Variants in MBP observed in about 807,000 individuals in gnomAD.
MBP encodes the protein Golli-MBP.
Under a neutral mutation model 35.8 loss-of-function variants are expected in MBP, and 16 were observed. The ratio of observed to expected loss-of-function variants is 0.45; its 90% CI spans 0.30 to 0.68. The LOEUF is 0.68. Among genes scored for constraint, MBP ranks in the 30% least tolerant of loss-of-function variants. MBP has a pLI of 0.08. For missense variants in MBP, 380 were observed against 404.7 expected (o/e 0.94, Z 0.52); for synonymous variants, 143 against 159.6 (o/e 0.90, Z 0.78).
intron 3 of MBP, among the ~76,000 whole-genome samples, chr18:77,031,507 GC>G (rs1225579356): frequency 6.6e-6 from 1 of 152,234 alleles, no homozygotes; most frequent in African/African-American, 2.4e-5. Context: ...TAGACCTGAA[GC>G]CGGTCAGGTT....
chr18:77,092,856 C>T, intron 2 of MBP, among the ~76,000 whole-genome samples: 1 of 152,152 alleles, frequency 6.6e-6, no homozygotes, highest in East Asian at 1.9e-4. Context: ...GTGACGATGA[C>T]GAGAGACACG....
At position 77,040,629 on chromosome 18, in the gene MBP, T is replaced by C. The variant is rs1972954515; in HGVS notation, c.140-23361A>G. ...CAGAGCCCTCAGAAATAATGCCGCG[T>C]ATCTACAACTATCTGATCTTTCACA... On this transcript the variant is annotated intron_variant, in intron 3 of 8. Coordinates refer to ENST00000355994, the MANE Select transcript of MBP (RefSeq NM_001025101.2). Among the ~76,000 whole-genome samples, 4 of 152,186 alleles carry C rather than the reference T, an allele frequency of 2.6e-5. No homozygotes were observed. The South Asian group carries it at 8.3e-4, about 32-fold the overall frequency.
chr18:76,998,248 A>G (rs1332094478), intron 4 of MBP, among the ~76,000 whole-genome samples: 1 of 152,154 alleles, frequency 6.6e-6, no homozygotes, highest in African/African-American at 2.4e-5. Context: ...CTGTGCATGG[A>G]GCCTGCAGCG....
intron 2 of MBP, among the ~76,000 whole-genome samples, chr18:77,091,671 AAC>A (rs1243140285): frequency 2.0e-5 from 3 of 150,608 alleles, no homozygotes; most frequent in Non-Finnish European, 3.0e-5. Flanking sequence ...CACATGCGTG[AAC>A]ACACATGTAT....
In MBP at chr18:77,019,260, T is replaced by G. The variant is rs375286108; in HGVS notation, c.140-1992A>C. 5.9e-5 allele frequency among the ~76,000 whole-genome samples: 9 copies of G among 152,370 alleles called. No homozygotes were observed. In the East Asian group the frequency reaches 1.5e-3, roughly 26 times the overall value. ...AATGATATGTCCATGTCCTAACTTC[T>G]GTACCTGTGAGTGTGACCTTATTTG... is the stretch of plus-strand genomic sequence containing the variant. On this transcript the variant is annotated intron_variant, in intron 3 of 8. Transcript: ENST00000355994.
chr18:77,033,506 C>G (rs1972617197), intron 3 of MBP, among the ~76,000 whole-genome samples: 1 of 152,130 alleles, frequency 6.6e-6, no homozygotes. Context: ...ACTCTGGAAA[C>G]ACCTTGTGCA....
rs528326909 is a variant in MBP, at chr18:77,102,197, G to A, written c.51+3014C>T. Among the ~76,000 whole-genome samples the A allele has an allele frequency of 2.6e-5, 4 of 152,268 alleles. No individual in the cohort carries two copies. Among genetic ancestry groups the A allele is most frequent in the Non-Finnish European group, 5.9e-5 (4 of 68,002 alleles). On this transcript the variant is annotated intron_variant, in intron 2 of 8. Coordinates refer to ENST00000355994, the MANE Select transcript of MBP (RefSeq NM_001025101.2). The surrounding 1 kb of genome is among the most constrained non-coding windows in gnomAD (Gnocchi z 4.4). The stretch of plus-strand genomic sequence containing the variant: ...CCTCAGCAGCCTGGGCCGGGCAGTG[G>A]GGCAGAGGCAGTGTGTGGGGTAGAC...
At chr18:77,001,669 G>C (rs764213167) in intron 4 of MBP, among the ~76,000 whole-genome samples, 1 of 152,136 alleles carries the variant, frequency 6.6e-6, no homozygotes, top group Non-Finnish European at 1.5e-5. Context: ...TGGCCAACGT[G>C]GCAAAACCCC....
intron 2 of MBP, among the ~76,000 whole-genome samples, chr18:77,074,933 A>C (rs1318378954): frequency 6.6e-6 from 1 of 152,264 alleles, no homozygotes; most frequent in Non-Finnish European, 1.5e-5. Flanking sequence ...ACCTGTAATC[A>C]GTTTACTAGA....
intron 1 of MBP, chr18:77,109,601 C>T (rs1423373719): frequency 1.3e-5 from 2 of 152,322 alleles, no homozygotes; most frequent in East Asian, 3.9e-4. Context: ...ATAGAGAAGA[C>T]CTCAATGCCA....
intron 2 of MBP, among the ~76,000 whole-genome samples, chr18:77,087,863 G>A (rs1363958063): frequency 6.6e-6 from 1 of 152,114 alleles, no homozygotes; most frequent in Non-Finnish European, 1.5e-5. Flanking sequence ...TCCCACTTGC[G>A]CGCTCCTGCT....
At chr18:76,984,716 T>G (rs1969435200) in intron 8 of MBP, 59 bp downstream of exon 8, 1 of 1,611,446 alleles carries the variant, frequency 6.2e-7, no homozygotes, top group Non-Finnish European at 8.5e-7. Flanking sequence ...CTCAGCTTAG[T>G]TGGGGATTCT....
chr18:76,997,936 C>G (rs1266945537), intron 4 of MBP, among the ~76,000 whole-genome samples: 1 of 152,074 alleles, frequency 6.6e-6, no homozygotes, highest in Non-Finnish European at 1.5e-5. Context: ...CCCGCCTCGG[C>G]CTCCCAAAGT....
chr18:77,072,844 G>A (rs1408328191), intron 2 of MBP, among the ~76,000 whole-genome samples: 2 of 152,180 alleles, frequency 1.3e-5, no homozygotes, highest in Non-Finnish European at 2.9e-5. Context: ...CCCATCTTGC[G>A]GCATCATTAT....
At chr18:77,007,773 G>A (rs3794836) in intron 4 of MBP, among the ~76,000 whole-genome samples, 5,652 of 152,254 alleles carry the variant, frequency 0.037, 108 homozygotes, top group Middle Eastern at 0.048. Context: ...CCACCTTTCC[G>A]CGTGTGTCCT....
At chr18:77,077,357 C>CA (rs56002600) in intron 2 of MBP, among the ~76,000 whole-genome samples, 6,090 of 107,706 alleles carry the variant, frequency 0.057, 326 homozygotes, top group African/African-American at 0.12. Flanking sequence ...GACTCCGTCG[C>CA]AAAAAAAAAA....
chr18:77,031,581 G>A (rs1292371134), intron 3 of MBP, among the ~76,000 whole-genome samples: 1 of 152,236 alleles, frequency 6.6e-6, no homozygotes, highest in Non-Finnish European at 1.5e-5. Context: ...CCAGGGTACT[G>A]TTCTGTAAGT....
intron 1 of MBP, among the ~76,000 whole-genome samples, chr18:77,129,939 C>T (rs1292761573): frequency 6.6e-6 from 1 of 151,252 alleles, no homozygotes. Flanking sequence ...GTCCCAGCTA[C>T]TGGGGAGGCT....
In MBP at chr18:76,989,010, C is replaced by T; in HGVS notation, c.682-98G>A. ...CCTGCTGAGGGTGGCTAGCATCCATCAGCTGCCAGAAGCACCCGGGTGCCC... is the reference window on the plus strand; with the variant it reads ...CCTGCTGAGGGTGGCTAGCATCCATTAGCTGCCAGAAGCACCCGGGTGCCC... On this transcript the variant is annotated intron_variant, in intron 5 of 8. Transcript: ENST00000355994. This position sits in a 1 kb window ranked among gnomAD's most constrained non-coding sequence, Gnocchi z 4.0. The T allele has an allele frequency of 8.3e-7, 1 of 1,201,650 alleles. No homozygotes were observed. The highest frequency in any genetic ancestry group is 1.2e-6 in the Non-Finnish European group (1 of 803,880). 74.4% of individuals were successfully genotyped at this position (1,201,650 alleles called of 1,614,324 possible). A position where few individuals can be genotyped will look rare whatever the true frequency, so the allele number is the denominator to read the frequency against.
Sources: gnomAD v4.1 joint callset for allele counts (sites outside exome capture counted in the v4.1 genomes callset) on GRCh38, gnomAD v4.1.1 for gene constraint, Gnocchi (gnomAD v3.1) non-coding constraint, MANE v1.5 for transcripts, NCBI Gene and HGNC (gene_info 2026-07-23, HGNC 2026-07-21) for gene names.